Variants in SHQ1 observed in about 807,000 individuals in gnomAD.
SHQ1 encodes SHQ1, H/ACA ribonucleoprotein assembly factor, also known as protein SHQ1 homolog.
Under a neutral mutation model 53.8 loss-of-function variants are expected in SHQ1, and 49 were observed. The observed-to-expected ratio is 0.91, with a 90% CI of 0.72 to 1.16. The LOEUF (loss-of-function observed/expected upper bound fraction) is 1.16. Among genes scored for constraint, SHQ1 ranks in the 50% most tolerant of loss-of-function variants. The pLI, the probability that SHQ1 is intolerant of heterozygous loss-of-function variation, is 0.00. For synonymous variants in SHQ1, 243 were observed against 251.0 expected (o/e 0.97, Z 0.30); for missense variants, 738 against 683.1 (o/e 1.08, Z -0.90).
chr3:72,778,724 G>C (rs1159561265), intron 10 of SHQ1, among the ~76,000 whole-genome samples: 1 of 152,112 alleles, frequency 6.6e-6, no homozygotes, highest in Non-Finnish European at 1.5e-5. Flanking sequence ...AACAATAACA[G>C]AGGCAAATAA....
chr3:72,769,917 C>T (rs975156768), intron 10 of SHQ1, among the ~76,000 whole-genome samples: 1 of 152,208 alleles, frequency 6.6e-6, no homozygotes, highest in African/African-American at 2.4e-5. Flanking sequence ...CTTAATCTCT[C>T]TGAGCCTCAA....
chr3:72,795,901 G>A (rs1237040074), intron 9 of SHQ1, among the ~76,000 whole-genome samples: 1 of 151,906 alleles, frequency 6.6e-6, no homozygotes, highest in Non-Finnish European at 1.5e-5. Context: ...TCAGAAGTTC[G>A]AGACCAGCTT....
At chr3:72,773,215 T>A in intron 10 of SHQ1, 1 of 716,386 alleles carries the variant, frequency 1.4e-6, no homozygotes, top group Non-Finnish European at 2.6e-6. Context: ...ACTACAGAGA[T>A]AAACATCTTC....
chr3:72,764,908 G>C (rs1705688341), intron 10 of SHQ1, among the ~76,000 whole-genome samples: 1 of 152,220 alleles, frequency 6.6e-6, no homozygotes, highest in East Asian at 1.9e-4. Context: ...GGTTCCCCCT[G>C]TTCCTGGGTC....
the SHQ1 span, among the ~76,000 whole-genome samples, chr3:72,738,950 A>G: frequency 6.6e-6 from 1 of 151,938 alleles, no homozygotes; most frequent in African/African-American, 2.4e-5. Context: ...TAGTTCAGCC[A>G]GGAGGCCCTG....
intron 10 of SHQ1, among the ~76,000 whole-genome samples, chr3:72,760,204 C>T (rs1559660573): frequency 6.6e-6 from 1 of 152,114 alleles, no homozygotes; most frequent in Non-Finnish European, 1.5e-5. Flanking sequence ...TTTATTTGCA[C>T]TGTACAATAT....
chr3:72,751,933 G>A (rs1209417471), intron 10 of SHQ1, among the ~76,000 whole-genome samples: 1 of 152,070 alleles, frequency 6.6e-6, no homozygotes, highest in Non-Finnish European at 1.5e-5. Context: ...AATGGAAAAT[G>A]TATATACCCT....
intron 9 of SHQ1, among the ~76,000 whole-genome samples, chr3:72,802,289 T>C (rs1433516609): frequency 6.6e-6 from 1 of 152,186 alleles, no homozygotes; most frequent in African/African-American, 2.4e-5. Flanking sequence ...GTCCCCAGAC[T>C]TCCTTGGGTC....
At chr3:72,765,428 A>AT (rs142848539) in intron 10 of SHQ1, among the ~76,000 whole-genome samples, 10,082 of 129,386 alleles carry the variant, frequency 0.078, 1,171 homozygotes, top group African/African-American at 0.25. Context: ...TCACTGATTC[A>AT]TTTTTTTTTT....
the SHQ1 span, among the ~76,000 whole-genome samples, chr3:72,728,030 T>C: frequency 6.6e-6 from 1 of 152,206 alleles, no homozygotes; most frequent in Admixed American, 6.5e-5. Context: ...TAGGGGCATG[T>C]TCCCTACTGT....
chr3:72,839,197 A>G (rs553588231), intron 4 of SHQ1, among the ~76,000 whole-genome samples: 1 of 152,316 alleles, frequency 6.6e-6, no homozygotes, highest in Admixed American at 6.5e-5. Context: ...ATTTATTATC[A>G]TTCATGTACA....
chr3:72,808,537 A>G (rs1157952255), intron 9 of SHQ1, among the ~76,000 whole-genome samples: 2 of 152,138 alleles, frequency 1.3e-5, no homozygotes, highest in African/African-American at 2.4e-5. Context: ...TGGGGATAGT[A>G]ATGCCTGCTT....
intron 9 of SHQ1, among the ~76,000 whole-genome samples, chr3:72,806,877 C>T (rs144238323): frequency 1.3e-4 from 20 of 152,238 alleles, no homozygotes; most frequent in Admixed American, 9.2e-4. Context: ...GCACTTACCA[C>T]GGCTGACTAT....
chr3:72,828,969 G>C (rs1235481244), intron 5 of SHQ1, among the ~76,000 whole-genome samples: 2 of 151,820 alleles, frequency 1.3e-5, no homozygotes, highest in Admixed American at 1.3e-4. Context: ...CAGACTAGAA[G>C]CAGGGATGCC....
chr3:72,804,907 T>C (rs1706893783), intron 9 of SHQ1, among the ~76,000 whole-genome samples: 1 of 152,178 alleles, frequency 6.6e-6, no homozygotes, highest in Non-Finnish European at 1.5e-5. Flanking sequence ...TAATCAGGTG[T>C]TGCTTAATGA....
chr3:72,834,092 G>C (rs1237159082), intron 4 of SHQ1, among the ~76,000 whole-genome samples: 1 of 152,228 alleles, frequency 6.6e-6, no homozygotes, highest in Admixed American at 6.5e-5. Context: ...AGATAGGATA[G>C]AGCCTCTCCA....
intron 9 of SHQ1, chr3:72,793,696 A>C (rs1706516212): frequency 6.6e-6 from 1 of 152,204 alleles, no homozygotes. Flanking sequence ...TTCCAATTCA[A>C]GCTTTCAACA....
chr3:72,729,788 T>A, the SHQ1 span, among the ~76,000 whole-genome samples: 1 of 152,232 alleles, frequency 6.6e-6, no homozygotes, highest in Non-Finnish European at 1.5e-5. Flanking sequence ...ATTATTTTTT[T>A]ATTTTTAATT....
chr3:72,735,750 A>AAGGAAGGCAGGC, the SHQ1 span, among the ~76,000 whole-genome samples: 5 of 122,630 alleles, frequency 4.1e-5, no homozygotes, highest in African/African-American at 1.6e-4. Flanking sequence ...GGAAGGAAGG[A>AAGGAAGGCAGGC]AGGCAGGCAG....
Sources: allele counts gnomAD v4.1 joint callset (sites outside exome capture counted in the v4.1 genomes callset), GRCh38; gene constraint gnomAD v4.1.1; transcripts MANE v1.5; gene names NCBI Gene and HGNC (gene_info 2026-07-23, HGNC 2026-07-21).